The following PARD3B variants were observed in gnomAD, a reference collection of about 807,000 sequenced individuals.
PARD3B encodes partitioning defective 3 homolog B.
Under a neutral mutation model 130.2 loss-of-function variants are expected in PARD3B, and 103 were observed. That is an observed-to-expected ratio of 0.79 (90% CI 0.67 to 0.93). PARD3B has a LOEUF of 0.93. Among genes scored for constraint, PARD3B ranks in the 40% least tolerant of loss-of-function variants. The pLI is 0.00. For synonymous variants in PARD3B, 583 were observed against 553.2 expected (o/e 1.05, Z -0.76); for missense variants, 1,609 against 1,499.2 (o/e 1.07, Z -1.21).
At chr2:205,036,037 A>G (rs114104965) in intron 3 of PARD3B, among the ~76,000 whole-genome samples, 16,857 of 144,800 alleles carry the variant, frequency 0.12, 1,018 homozygotes, top group African/African-American at 0.14. Context: ...AATTCTGCAT[A>G]TAGTTAATTT....
At chr2:204,621,265 C>G (rs957137564) in intron 1 of PARD3B, among the ~76,000 whole-genome samples, 11 of 151,854 alleles carry the variant, frequency 7.2e-5, no homozygotes, top group African/African-American at 2.7e-4. Context: ...AAACTTCTAA[C>G]GCAATGCAGG....
chr2:204,575,914 C>T (rs1299978134), intron 1 of PARD3B, among the ~76,000 whole-genome samples: 2 of 152,144 alleles, frequency 1.3e-5, no homozygotes, highest in South Asian at 4.1e-4. Context: ...GTTGCTCAGG[C>T]GGTTCTTGCC....
intron 3 of PARD3B, among the ~76,000 whole-genome samples, chr2:205,003,105 C>T (rs1268862568): frequency 6.6e-6 from 1 of 152,204 alleles, no homozygotes; most frequent in East Asian, 1.9e-4. Context: ...TTCCTTGGCT[C>T]CTGGTCCCCT....
At chr2:205,062,172 C>G (rs1278808013) in intron 4 of PARD3B, among the ~76,000 whole-genome samples, 5 of 152,030 alleles carry the variant, frequency 3.3e-5, no homozygotes, top group Admixed American at 1.3e-4. Flanking sequence ...TTCTGAAACT[C>G]TACTTCCAAG....
At chr2:205,532,213 A>G (rs2051629154) in intron 21 of PARD3B, among the ~76,000 whole-genome samples, 1 of 152,234 alleles carries the variant, frequency 6.6e-6, no homozygotes, top group African/African-American at 2.4e-5. Flanking sequence ...CATCCGTTAA[A>G]AAACGAAGAG....
chr2:205,167,078 A>T (rs960764531), intron 11 of PARD3B, among the ~76,000 whole-genome samples: 6 of 152,176 alleles, frequency 3.9e-5, no homozygotes, highest in African/African-American at 1.4e-4. Context: ...TTTCCTCTGT[A>T]TTCATTAGAA....
At chr2:205,381,463 G>A (rs756674006) in intron 18 of PARD3B, among the ~76,000 whole-genome samples, 143 of 151,574 alleles carry the variant, frequency 9.4e-4, no homozygotes, top group Non-Finnish European at 1.4e-3. Flanking sequence ...AGTAGATAAT[G>A]CCAAGCTTTG....
intron 10 of PARD3B, among the ~76,000 whole-genome samples, chr2:205,153,069 C>T (rs1311861999): frequency 6.6e-6 from 1 of 152,178 alleles, no homozygotes; most frequent in Non-Finnish European, 1.5e-5. Flanking sequence ...ACCCTGTTTG[C>T]CTGGGTATCA....
At chr2:205,118,630 T>C (rs2030220531) in intron 6 of PARD3B, among the ~76,000 whole-genome samples, 1 of 152,174 alleles carries the variant, frequency 6.6e-6, no homozygotes. Flanking sequence ...CACAAGTCTT[T>C]GGTGTCAACT....
chr2:205,332,855 A>G (rs939853737), intron 18 of PARD3B, among the ~76,000 whole-genome samples: 1 of 152,246 alleles, frequency 6.6e-6, no homozygotes, highest in Non-Finnish European at 1.5e-5. Context: ...CCCCACAGCC[A>G]TATACAAGGA....
chr2:205,310,308 C>T (rs997747632), intron 18 of PARD3B, among the ~76,000 whole-genome samples: 5 of 151,926 alleles, frequency 3.3e-5, no homozygotes, highest in African/African-American at 9.7e-5. Context: ...AGGATGGTCT[C>T]GATCTCCTGA....
At chr2:205,138,311 C>T (rs16837021) in intron 10 of PARD3B, among the ~76,000 whole-genome samples, 34,330 of 152,036 alleles carry the variant, frequency 0.23, 4,193 homozygotes, top group East Asian at 0.4. Context: ...TGTTTAGCAG[C>T]GTTTTTACCT....
rs2046449644 is a variant in PARD3B, at chr2:205,407,458, A to G, written c.2741+6335A>G. On this transcript the variant is annotated intron_variant, in intron 19 of 22. Coordinates refer to ENST00000406610, the MANE Select transcript of PARD3B (RefSeq NM_001302769.2). This position sits in a 1 kb window ranked among gnomAD's most constrained non-coding sequence, Gnocchi z 4.1. ...TTAGCATTTTTCACACATTCAGATTATGTAAATTAGCATCTTGAGCTGAAA... is the reference window on the plus strand; with the variant it reads ...TTAGCATTTTTCACACATTCAGATTGTGTAAATTAGCATCTTGAGCTGAAA... 2.0e-5 allele frequency among the ~76,000 whole-genome samples: 3 copies of G among 152,226 alleles called. No individual in the cohort carries two copies. In the South Asian group the frequency reaches 6.2e-4, roughly 32 times the overall value.
intron 2 of PARD3B, among the ~76,000 whole-genome samples, chr2:204,867,549 C>T (rs1460667634): frequency 6.6e-6 from 1 of 152,204 alleles, no homozygotes; most frequent in Non-Finnish European, 1.5e-5. Flanking sequence ...CTTATAACTT[C>T]AGCTCCCTTA....
At chr2:204,747,257 T>A (rs1349182293) in intron 2 of PARD3B, among the ~76,000 whole-genome samples, 1 of 152,170 alleles carries the variant, frequency 6.6e-6, no homozygotes, top group African/African-American at 2.4e-5. Flanking sequence ...TTTCTTGTTT[T>A]TGTCAGGTTT....
At chr2:204,834,346 A>G (rs2043951040) in intron 2 of PARD3B, among the ~76,000 whole-genome samples, 1 of 152,190 alleles carries the variant, frequency 6.6e-6, no homozygotes, top group South Asian at 2.1e-4. Context: ...TTTGGATGGA[A>G]GAGGAAGTAA....
chr2:205,485,425 G>A lies in PARD3B; in HGVS notation c.3045-14471G>A, dbSNP rs187337159. Among the ~76,000 whole-genome samples the A allele has an allele frequency of 9.2e-5, 14 of 152,300 alleles. No individual in the cohort carries two copies. The East Asian group carries it at 9.6e-4, about 10-fold the overall frequency. ...GCCAACAAGTAGGGAGATTGAAATA[G>A]AGAACTTTTGCCAATGATTTTATCA... On this transcript the variant is annotated intron_variant, in intron 20 of 22. Coordinates refer to ENST00000406610, the MANE Select transcript of PARD3B (RefSeq NM_001302769.2).
At chr2:205,493,294 G>C (rs558160525) in intron 20 of PARD3B, among the ~76,000 whole-genome samples, 1 of 152,164 alleles carries the variant, frequency 6.6e-6, no homozygotes, top group South Asian at 2.1e-4. Context: ...ATGATTTTTA[G>C]CTTCTTACAT....
intron 2 of PARD3B, among the ~76,000 whole-genome samples, chr2:204,779,706 T>C (rs1431480688): frequency 6.6e-6 from 1 of 152,110 alleles, no homozygotes; most frequent in Non-Finnish European, 1.5e-5. Flanking sequence ...AAGCCCAGGG[T>C]TGTGAGGCTA....
Sources: allele counts gnomAD v4.1 joint callset (sites outside exome capture counted in the v4.1 genomes callset), GRCh38; gene constraint gnomAD v4.1.1; non-coding constraint Gnocchi (gnomAD v3.1); transcripts MANE v1.5; gene names NCBI Gene and HGNC (gene_info 2026-07-23, HGNC 2026-07-21).